The following GRID2 variants were observed in gnomAD, a reference collection of about 807,000 sequenced individuals.
GRID2 encodes the protein glutamate ionotropic receptor delta type subunit 2.
Under a neutral mutation model 114.8 loss-of-function variants are expected in GRID2, and 33 were observed. The observed-to-expected ratio is 0.29, with a 90% confidence interval of 0.22 to 0.38. The LOEUF (loss-of-function observed/expected upper bound fraction) is 0.38, where lower values mean the gene tolerates loss of function less well. GRID2 is among the 10% of genes least tolerant of loss of function. The probability of loss-of-function intolerance (pLI) is 1.00; values close to 1 mark genes in which losing one functional copy is unlikely to be tolerated. For synonymous variants in GRID2, 505 were observed against 449.9 expected (o/e 1.12, Z -1.55); for missense variants, 1,184 against 1,257.7 (o/e 0.94, Z 0.89).
At chr4:92,631,262 T>G (rs888082727) in intron 2 of GRID2, among the ~76,000 whole-genome samples, 2 of 151,934 alleles carry the variant, frequency 1.3e-5, no homozygotes, top group Non-Finnish European at 2.9e-5. Context: ...AAACTCTGAT[T>G]TGAGATGATG....
chr4:93,169,524 A>G (rs1579179494), intron 4 of GRID2, among the ~76,000 whole-genome samples: 2 of 152,180 alleles, frequency 1.3e-5, no homozygotes, highest in Admixed American at 1.3e-4. Flanking sequence ...GATATAGTCA[A>G]TATACATAGA....
chr4:92,685,977 C>T (rs1020856714), intron 2 of GRID2, among the ~76,000 whole-genome samples: 10 of 151,938 alleles, frequency 6.6e-5, no homozygotes, highest in Non-Finnish European at 1.0e-4. Flanking sequence ...ACTTTCAGTG[C>T]TTCTTGCTGC....
chr4:93,053,232 ATATGT>A (rs1726892248), intron 2 of GRID2, among the ~76,000 whole-genome samples: 1 of 151,900 alleles, frequency 6.6e-6, no homozygotes, highest in Non-Finnish European at 1.5e-5. Context: ...ACCTTCCCAG[ATATGT>A]TATGTGAGAA....
intron 14 of GRID2, among the ~76,000 whole-genome samples, chr4:93,722,264 A>G (rs1729447394): frequency 6.6e-6 from 1 of 152,054 alleles, no homozygotes; most frequent in African/African-American, 2.4e-5. Flanking sequence ...TTTACTATAT[A>G]CTTTATACCT....
At chr4:92,609,559 G>T (rs1729622098) in intron 2 of GRID2, among the ~76,000 whole-genome samples, 1 of 151,080 alleles carries the variant, frequency 6.6e-6, no homozygotes, top group African/African-American at 2.4e-5. Flanking sequence ...AATGATGAAA[G>T]GGCAAAAGTG....
chr4:93,648,570 CTG>C (rs1722317427), intron 14 of GRID2, among the ~76,000 whole-genome samples: 2 of 152,318 alleles, frequency 1.3e-5, no homozygotes, highest in South Asian at 4.1e-4. Context: ...TCGGCTCATC[CTG>C]TGTTTCCTCA....
chr4:93,519,245 T>G (rs1721613622), intron 13 of GRID2, among the ~76,000 whole-genome samples: 1 of 152,008 alleles, frequency 6.6e-6, no homozygotes, highest in Admixed American at 6.6e-5. Flanking sequence ...TTTTGGCAAA[T>G]CATATGACTA....
chr4:93,454,883 A>G (rs1723043253), intron 10 of GRID2, among the ~76,000 whole-genome samples: 1 of 152,198 alleles, frequency 6.6e-6, no homozygotes, highest in South Asian at 2.1e-4. Flanking sequence ...AGATATTTAA[A>G]TATGTATTAT....
chr4:92,558,749 G>T (rs1726983890), intron 1 of GRID2, among the ~76,000 whole-genome samples: 1 of 152,130 alleles, frequency 6.6e-6, no homozygotes, highest in African/African-American at 2.4e-5. Context: ...GCAAGGCATT[G>T]TATTCCCTGT....
At chr4:92,441,706 G>A (rs986148382) in intron 1 of GRID2, among the ~76,000 whole-genome samples, 11 of 152,166 alleles carry the variant, frequency 7.2e-5, no homozygotes, top group South Asian at 4.1e-4. Flanking sequence ...TGAGGGATGG[G>A]ATATTGGCAT....
At chr4:93,631,298 T>A (rs1036282171) in intron 14 of GRID2, among the ~76,000 whole-genome samples, 17 of 152,220 alleles carry the variant, frequency 1.1e-4, no homozygotes, top group African/African-American at 4.1e-4. Context: ...ACATGTGCCA[T>A]GTTGGTGTGC....
intron 8 of GRID2, among the ~76,000 whole-genome samples, chr4:93,268,629 C>T (rs947326132): frequency 6.6e-6 from 1 of 152,078 alleles, no homozygotes; most frequent in East Asian, 1.9e-4. Context: ...TAATGTCTGC[C>T]ACCTCTTACA....
intron 11 of GRID2, among the ~76,000 whole-genome samples, chr4:93,482,947 C>A (rs191741240): frequency 6.6e-6 from 1 of 152,030 alleles, no homozygotes; most frequent in Non-Finnish European, 1.5e-5. Context: ...ATTACCCCCA[C>A]ATCTTCTGTC....
intron 1 of GRID2, among the ~76,000 whole-genome samples, chr4:92,440,023 G>C (rs1732959216): frequency 6.9e-6 from 1 of 145,888 alleles, no homozygotes; most frequent in South Asian, 2.3e-4. Context: ...AATGAGACTG[G>C]GGCCTAATAA....
At chr4:93,808,888 C>G (rs1218133701) in exon 2 of GRID2, 1 of 152,134 alleles carries the variant, frequency 6.6e-6, no homozygotes, top group Non-Finnish European at 1.5e-5. Context: ...GACACTGACC[C>G]CATTAAACAA....
chr4:92,521,477 ATTACTAAACAT>A (rs1315682565), intron 1 of GRID2, among the ~76,000 whole-genome samples: 3 of 152,038 alleles, frequency 2.0e-5, no homozygotes, highest in African/African-American at 7.2e-5. Context: ...TTTACTGAGC[ATTACTAAACAT>A]TTACTAAACA....
intron 1 of GRID2, among the ~76,000 whole-genome samples, chr4:92,421,059 C>A (rs796705423): frequency 1.9e-4 from 29 of 152,090 alleles, no homozygotes; most frequent in African/African-American, 7.0e-4. Flanking sequence ...GAGAACAGTT[C>A]TTTTTGTTTT....
At chr4:92,641,135 A>C (rs1225881495) in intron 2 of GRID2, among the ~76,000 whole-genome samples, 2 of 151,688 alleles carry the variant, frequency 1.3e-5, no homozygotes, top group Non-Finnish European at 2.9e-5. Context: ...GGATCAAGAG[A>C]TGTGAAGCCA....
intron 1 of GRID2, among the ~76,000 whole-genome samples, chr4:92,428,185 C>T (rs537555396): frequency 4.6e-4 from 70 of 152,082 alleles, no homozygotes; most frequent in African/African-American, 1.6e-3. Context: ...TGGCATGAAC[C>T]CGGGAGGCGG....
Sources: allele counts gnomAD v4.1 joint callset (sites outside exome capture counted in the v4.1 genomes callset), GRCh38; gene constraint gnomAD v4.1.1; transcripts MANE v1.5; gene names NCBI Gene and HGNC (gene_info 2026-07-23, HGNC 2026-07-21).